The following AATK variants were observed in gnomAD, a reference collection of about 807,000 sequenced individuals.
AATK encodes the protein serine/threonine-protein kinase LMTK1.
AATK carries 91 observed loss-of-function variants against 114.3 expected under a neutral mutation model. That is an observed-to-expected ratio of 0.80 (90% CI 0.67 to 0.95). AATK has a LOEUF of 0.95. AATK is among the 40% of genes least tolerant of loss of function. The pLI is 0.00. For synonymous variants in AATK, 1,075 were observed against 916.5 expected (o/e 1.17, Z -3.12); for missense variants, 2,176 against 1,965.2 (o/e 1.11, Z -2.03).
chr17:81,144,201 G>A (rs1394872180), intron 1 of AATK, among the ~76,000 whole-genome samples: 1 of 152,308 alleles, frequency 6.6e-6, no homozygotes, highest in East Asian at 1.9e-4. Context: ...AGCGTCTCTT[G>A]CACAGACCCA....
intron 7 of AATK, chr17:81,125,502 G>A: frequency 5.7e-6 from 2 of 352,678 alleles, no homozygotes; most frequent in Non-Finnish European, 5.8e-6. Flanking sequence ...CAGAGCTGGA[G>A]CTCACTCTCA....
intron 1 of AATK, among the ~76,000 whole-genome samples, chr17:81,153,463 T>C (rs550713467): frequency 6.6e-6 from 1 of 152,310 alleles, no homozygotes; most frequent in East Asian, 1.9e-4. Flanking sequence ...CGTTTAAAGA[T>C]GCGTCATTTG....
intron 2 of AATK, among the ~76,000 whole-genome samples, chr17:81,133,515 G>T (rs1367335664): frequency 6.6e-6 from 1 of 152,152 alleles, no homozygotes; most frequent in African/African-American, 2.4e-5. Context: ...CCTGGCGTAG[G>T]AATCTGACCT....
chr17:81,159,630 A>C (rs1406729622), intron 1 of AATK, among the ~76,000 whole-genome samples: 2 of 152,048 alleles, frequency 1.3e-5, no homozygotes, highest in Non-Finnish European at 1.5e-5. Context: ...CCTTGTTCAG[A>C]GTCACTAAGA....
At chr17:81,128,931 G>T in intron 3 of AATK, 3 of 1,109,822 alleles carry the variant, frequency 2.7e-6, no homozygotes, top group Non-Finnish European at 2.2e-6. Context: ...GCACTGGAGC[G>T]GCCCACCCCC....
At chr17:81,140,023 CTTTTT>C (rs1378213759) in intron 1 of AATK, among the ~76,000 whole-genome samples, 1 of 152,184 alleles carries the variant, frequency 6.6e-6, no homozygotes, top group Non-Finnish European at 1.5e-5. Context: ...GACTCTATTT[CTTTTT>C]GTTTTAGAGA....
chr17:81,143,632 A>G (rs2061172554), intron 1 of AATK, among the ~76,000 whole-genome samples: 1 of 151,214 alleles, frequency 6.6e-6, no homozygotes, highest in Non-Finnish European at 1.5e-5. Flanking sequence ...CTCTGGCTTC[A>G]CAGCCTCTCT....
chr17:81,138,411 G>A (rs769569833), intron 1 of AATK, among the ~76,000 whole-genome samples: 5 of 129,346 alleles, frequency 3.9e-5, no homozygotes, highest in South Asian at 2.5e-4. Context: ...CCACACGTGC[G>A]TGCACATACC....
intron 1 of AATK, among the ~76,000 whole-genome samples, chr17:81,154,833 TTGGCC>T (rs1438325192): frequency 0.12 from 16,088 of 138,292 alleles, 1,901 homozygotes; most frequent in African/African-American, 0.26. Flanking sequence ...TTTCAACATG[TTGGCC>T]AGGCTGGTCT....
rs776166038 is a variant in AATK, at chr17:81,122,408, C to T, written c.1528G>A (p.Gly510Ser). The T allele has an allele frequency of 1.6e-5, 24 of 1,465,430 alleles. No individual in the cohort carries two copies. The highest frequency in any genetic ancestry group is 3.9e-4 in the Middle Eastern group (2 of 5,084). 90.8% of individuals were successfully genotyped at this position (1,465,430 alleles called of 1,614,324 possible). A position where few individuals can be genotyped will look rare whatever the true frequency, so the allele number is the denominator to read the frequency against. The change falls in exon 11 of 14, where the codon GGC becomes AGC. Residue 510 changes from glycine (G) to serine (S), a missense_variant. This residue lies in a region of AATK where 1,701 missense variants were observed against 1,394.7 expected (regional missense o/e 1.22). Transcript: ENST00000326724. ...ARLQELCAPD[G>S]APPGVVPVLS... ...ACCGGAACCACGCCCGGGGGCGCGCCGTCGGGGGCGCACAGCTCCTGCAGG... is the reference window on the plus strand; with the variant it reads ...ACCGGAACCACGCCCGGGGGCGCGCTGTCGGGGGCGCACAGCTCCTGCAGG...
At chr17:81,132,369 C>T (rs1213665111) in intron 2 of AATK, among the ~76,000 whole-genome samples, 3 of 152,192 alleles carry the variant, frequency 2.0e-5, no homozygotes, top group East Asian at 1.9e-4. Context: ...ACCCTGGGGA[C>T]GCCTCCCTTC....
Position 81,127,056 on chromosome 17 carries a change from G to A in AATK, c.622-496C>T, listed in dbSNP as rs894789934. 3.0e-4 allele frequency among the ~76,000 whole-genome samples: 45 copies of A among 149,412 alleles called. 1 individual carries two copies. The highest frequency in any genetic ancestry group is 8.6e-4 in the Admixed American group (13 of 15,138). On this transcript the variant is annotated intron_variant, in intron 6 of 13. Coordinates refer to ENST00000326724, the MANE Select transcript of AATK (RefSeq NM_001080395.3). ...AGGAGCTGCATATGTGGAAGGGGGT[G>A]GGGGGCAGGTCTCGGGGGAGGGGGA...
chr17:81,161,407 C>T (rs373065330), intron 1 of AATK, among the ~76,000 whole-genome samples: 4 of 152,196 alleles, frequency 2.6e-5, no homozygotes, highest in African/African-American at 9.7e-5. Flanking sequence ...TACTCCGGTC[C>T]GACCTCATCT....
At position 81,122,286 on chromosome 17, in the gene AATK, G is replaced by C; in HGVS notation, c.1650C>G (p.Cys550Trp). 5 of 1,499,446 alleles carry C rather than the reference G, an allele frequency of 3.3e-6. No homozygotes were observed. In the South Asian group the frequency reaches 6.2e-5, roughly 19 times the overall value. 92.9% of individuals were successfully genotyped at this position (1,499,446 alleles called of 1,614,324 possible). A position where few individuals can be genotyped will look rare whatever the true frequency, so the allele number is the denominator to read the frequency against. The change falls in exon 11 of 14, where the codon TGC (cysteine) becomes TGG (tryptophan). Residue 550 changes from cysteine (C) to tryptophan (W), a missense_variant. Cys to Trp is a radical substitution (Grantham distance 215). Transcript: ENST00000326724. ...AAGHDPDCAGCAPSPPATADQ... is the reference protein window; with the variant it reads ...AAGHDPDCAGWAPSPPATADQ... ...CCGCGGTGGCAGGTGGACTGGGGGC[G>C]CAGCCGGCGCAGTCAGGGTCGTGGC...
intron 10 of AATK, 140 bp from the exon 11 acceptor site, chr17:81,122,963 C>G: frequency 1.0e-6 from 1 of 991,400 alleles, no homozygotes; most frequent in Non-Finnish European, 1.4e-6. Context: ...CACCCCAAAT[C>G]TGCCAAGGCA....
intron 1 of AATK, among the ~76,000 whole-genome samples, chr17:81,142,483 G>T (rs891166869): frequency 3.3e-5 from 5 of 152,060 alleles, no homozygotes; most frequent in Non-Finnish European, 5.9e-5. Context: ...TGTTGTCCAG[G>T]CTGGTCTCAA....
At chr17:81,135,519 C>T (rs1458883070) in intron 1 of AATK, among the ~76,000 whole-genome samples, 3 of 152,160 alleles carry the variant, frequency 2.0e-5, no homozygotes, top group East Asian at 3.9e-4. Flanking sequence ...CTTCTCAGCT[C>T]CCAACACCCC....
intron 1 of AATK, among the ~76,000 whole-genome samples, chr17:81,152,193 G>A (rs923291955): frequency 5.3e-5 from 8 of 152,172 alleles, no homozygotes; most frequent in African/African-American, 9.7e-5. Context: ...CAGAAGAATC[G>A]TTTGAACCCA....
chr17:81,164,419 G>A (rs1323159595), intron 1 of AATK, among the ~76,000 whole-genome samples: 1 of 152,210 alleles, frequency 6.6e-6, no homozygotes, highest in African/African-American at 2.4e-5. Context: ...CCCAGCAGGT[G>A]CCTGCAGCTC....
Sources: gnomAD v4.1 joint callset for allele counts (sites outside exome capture counted in the v4.1 genomes callset) on GRCh38, gnomAD v4.1.1 for gene constraint, gnomAD v4.1.1 regional missense constraint, MANE v1.5 for transcripts, NCBI Gene and HGNC (gene_info 2026-07-23, HGNC 2026-07-21) for gene names.